The following TENM3 variants were observed in gnomAD, a reference collection of about 807,000 sequenced individuals.
The protein encoded by TENM3 is teneurin transmembrane protein 3.
TENM3 carries 63 observed loss-of-function variants against 255.1 expected under a neutral mutation model. The observed-to-expected ratio is 0.25, with a 90% CI of 0.20 to 0.30. The LOEUF (loss-of-function observed/expected upper bound fraction) is 0.30, where lower values mean the gene tolerates loss of function less well. Ranked by LOEUF, TENM3 falls within the 10% of genes least tolerant of loss-of-function variation. TENM3 has a pLI of 1.00. For synonymous variants in TENM3, 1,306 were observed against 1,322.3 expected, an observed-to-expected ratio of 0.99 and a Z score of 0.27; for missense variants, 2,929 against 3,461.1, an observed-to-expected ratio of 0.85 and a Z score of 3.86.
At chr4:182,064,074 G>A in the TENM3 span, among the ~76,000 whole-genome samples, 1 of 151,610 alleles carries the variant, frequency 6.6e-6, no homozygotes, top group Non-Finnish European at 1.5e-5. Flanking sequence ...CCAGTTATAT[G>A]TTTTATTTGC....
the TENM3 span, among the ~76,000 whole-genome samples, chr4:181,912,769 C>CAAA: frequency 3.6e-5 from 3 of 83,630 alleles, no homozygotes; most frequent in Non-Finnish European, 5.1e-5. Flanking sequence ...AAGACTATCT[C>CAAA]AAAAAAAAAA....
the TENM3 span, among the ~76,000 whole-genome samples, chr4:181,741,681 C>T: frequency 6.6e-6 from 1 of 152,082 alleles, no homozygotes; most frequent in Non-Finnish European, 1.5e-5. Flanking sequence ...CTGACAGAGG[C>T]CATCATTCAT....
the TENM3 span, among the ~76,000 whole-genome samples, chr4:181,617,247 A>G: frequency 2.6e-5 from 4 of 152,208 alleles, no homozygotes; most frequent in African/African-American, 9.6e-5. Context: ...TTGTGCTAGG[A>G]ACTGGGAATT....
the TENM3 span, among the ~76,000 whole-genome samples, chr4:181,478,178 A>G: frequency 1.3e-5 from 2 of 152,250 alleles, no homozygotes; most frequent in Admixed American, 6.5e-5. Flanking sequence ...TCAAAAAGCC[A>G]CAATTACAGT....
At chr4:182,786,713 A>C (rs778739702) in intron 24 of TENM3, among the ~76,000 whole-genome samples, 24 of 152,160 alleles carry the variant, frequency 1.6e-4, no homozygotes, top group African/African-American at 5.6e-4. Flanking sequence ...AGGAAGCAGT[A>C]AAGAATTAAT....
the TENM3 span, among the ~76,000 whole-genome samples, chr4:181,491,676 AG>A: frequency 1.3e-5 from 2 of 152,164 alleles, no homozygotes; most frequent in Admixed American, 6.5e-5. Flanking sequence ...GTTGAAAAGT[AG>A]GTTAAGTAAT....
chr4:181,689,755 T>C, the TENM3 span, among the ~76,000 whole-genome samples: 16 of 152,124 alleles, frequency 1.1e-4, no homozygotes, highest in Non-Finnish European at 2.4e-4. Flanking sequence ...GTTTTCACTG[T>C]AAAGGTTTGA....
At chr4:181,774,153 C>T in the TENM3 span, among the ~76,000 whole-genome samples, 18 of 89,756 alleles carry the variant, frequency 2.0e-4, no homozygotes, top group Non-Finnish European at 3.2e-4. Flanking sequence ...TCTCCCAATG[C>T]TATCCCTCCC....
At chr4:181,939,679 T>G in the TENM3 span, among the ~76,000 whole-genome samples, 1 of 152,218 alleles carries the variant, frequency 6.6e-6, no homozygotes, top group Non-Finnish European at 1.5e-5. Context: ...ATGTGTCTAT[T>G]GTTGGACAGC....
chr4:182,757,957 A>G (rs999365389), intron 22 of TENM3, among the ~76,000 whole-genome samples: 1 of 152,156 alleles, frequency 6.6e-6, no homozygotes, highest in Non-Finnish European at 1.5e-5. Flanking sequence ...ATCTTACAAA[A>G]TATCACCCTC....
intron 5 of TENM3, 61 bp from the exon 6 acceptor site, chr4:182,653,710 G>A: frequency 4.0e-6 from 6 of 1,516,094 alleles, no homozygotes; most frequent in Admixed American, 4.2e-5. Context: ...AACATGCTTA[G>A]CAATTGCCGT....
At chr4:182,018,829 C>T in the TENM3 span, among the ~76,000 whole-genome samples, 7 of 152,206 alleles carry the variant, frequency 4.6e-5, no homozygotes, top group Middle Eastern at 3.4e-3. Context: ...GGTACATAAC[C>T]TCATCTGATT....
chr4:181,558,395 A>G, the TENM3 span, among the ~76,000 whole-genome samples: 1 of 152,242 alleles, frequency 6.6e-6, no homozygotes, highest in African/African-American at 2.4e-5. Context: ...ATTCCTGAAC[A>G]TGAATAAACA....
chr4:181,736,517 G>C, the TENM3 span, among the ~76,000 whole-genome samples: 1 of 151,670 alleles, frequency 6.6e-6, no homozygotes, highest in Non-Finnish European at 1.5e-5. Context: ...ATACTAACGT[G>C]GCTGAGTTCT....
At chr4:182,471,154 T>G (rs1733085548) in intron 3 of TENM3, among the ~76,000 whole-genome samples, 2 of 152,214 alleles carry the variant, frequency 1.3e-5, no homozygotes, top group African/African-American at 4.8e-5. Flanking sequence ...TTAATTATCC[T>G]CAGCATAATA....
chr4:181,810,397 G>T, the TENM3 span, among the ~76,000 whole-genome samples: 1 of 151,950 alleles, frequency 6.6e-6, no homozygotes, highest in Non-Finnish European at 1.5e-5. Flanking sequence ...AATAATGAAC[G>T]AATCTGAGTC....
the TENM3 span, among the ~76,000 whole-genome samples, chr4:181,809,889 A>G: frequency 6.6e-6 from 1 of 152,088 alleles, no homozygotes; most frequent in South Asian, 2.1e-4. Flanking sequence ...GGCAGGGAAC[A>G]CACTCTCCCC....
intron 1 of TENM3, among the ~76,000 whole-genome samples, chr4:182,256,624 C>T (rs1410889174): frequency 3.3e-5 from 5 of 152,118 alleles, no homozygotes; most frequent in Non-Finnish European, 5.9e-5. Context: ...TTGCTTTTCT[C>T]CTTTTATCTT....
chr4:181,822,036 CT>C, the TENM3 span, among the ~76,000 whole-genome samples: 1 of 152,108 alleles, frequency 6.6e-6, no homozygotes, highest in African/African-American at 2.4e-5. Context: ...AACAAGAGAG[CT>C]TTTCTTTGGT....
Sources: gnomAD v4.1 joint callset for allele counts (sites outside exome capture counted in the v4.1 genomes callset) on GRCh38, gnomAD v4.1.1 for gene constraint, MANE v1.5 for transcripts, NCBI Gene and HGNC (gene_info 2026-07-23, HGNC 2026-07-21) for gene names.